The following ITPR2 variants were observed in gnomAD, a reference collection of about 807,000 sequenced individuals.
The protein encoded by ITPR2 is inositol 1,4,5-trisphosphate receptor type 2.
A neutral mutation model predicts 317.1 loss-of-function variants in ITPR2; 207 were observed. The observed-to-expected ratio is 0.65, with a 90% confidence interval of 0.58 to 0.73. ITPR2 has a LOEUF of 0.73. Among genes scored for constraint, ITPR2 ranks in the 30% least tolerant of loss-of-function variants. ITPR2 has a pLI of 0.00. For missense variants in ITPR2, 2,613 were observed against 3,284.0 expected (o/e 0.80, Z 4.99); for synonymous variants, 1,156 against 1,149.1 (o/e 1.01, Z -0.12).
At chr12:26,770,386 C>A (rs1334433012) in intron 2 of ITPR2, among the ~76,000 whole-genome samples, 1 of 152,170 alleles carries the variant, frequency 6.6e-6, no homozygotes, top group African/African-American at 2.4e-5. Context: ...TGTGCCTCAG[C>A]CAGAAATGCC....
intron 45 of ITPR2, among the ~76,000 whole-genome samples, chr12:26,449,632 T>C (rs756118500): frequency 1.3e-5 from 2 of 152,106 alleles, no homozygotes; most frequent in Non-Finnish European, 2.9e-5. Flanking sequence ...GAAGTGCATC[T>C]GATAAAGGTT....
chr12:26,660,327 A>G (rs1947468665), intron 15 of ITPR2, among the ~76,000 whole-genome samples: 1 of 152,224 alleles, frequency 6.6e-6, no homozygotes, highest in Admixed American at 6.5e-5. Context: ...TCTACTCCTT[A>G]TTCATCACAC....
rs543468848 is a variant in ITPR2 at position 26,492,356 on chromosome 12, C to T, written c.5370+1797G>A. Among the ~76,000 whole-genome samples, 19 of 151,424 alleles carry T rather than the reference C, an allele frequency of 1.3e-4. No homozygotes were observed. In the South Asian group the frequency reaches 1.9e-3, roughly 15 times the overall value. ...GGATATAAGTAAGCATAAATAAGTG[C>T]GAAGGATGAAGGATGATCCCATCTG... On this transcript the variant is annotated intron_variant, in intron 39 of 56. Transcript: ENST00000381340.
At chr12:26,439,812 TTC>T (rs1450464371) in intron 46 of ITPR2, among the ~76,000 whole-genome samples, 1 of 152,214 alleles carries the variant, frequency 6.6e-6, no homozygotes, top group Admixed American at 6.5e-5. Context: ...CATTAAAATG[TTC>T]TCTTATTCAT....
intron 37 of ITPR2, among the ~76,000 whole-genome samples, chr12:26,533,195 T>C (rs1943991411): frequency 6.6e-6 from 1 of 152,216 alleles, no homozygotes; most frequent in African/African-American, 2.4e-5. Flanking sequence ...GGAACCAGTC[T>C]ATATGATGTT....
chr12:26,830,040 A>T (rs1415017980), intron 1 of ITPR2, among the ~76,000 whole-genome samples: 1 of 152,206 alleles, frequency 6.6e-6, no homozygotes, highest in Non-Finnish European at 1.5e-5. Context: ...AGTAGCTGGG[A>T]CTACAGGCGT....
intron 55 of ITPR2, among the ~76,000 whole-genome samples, chr12:26,353,186 G>A (rs187255587): frequency 6.6e-6 from 1 of 152,238 alleles, no homozygotes; most frequent in East Asian, 1.9e-4. Context: ...GTTACCATTG[G>A]AATTTTTAGT....
intron 34 of ITPR2, among the ~76,000 whole-genome samples, chr12:26,568,121 T>C (rs1945063244): frequency 6.7e-6 from 1 of 149,766 alleles, no homozygotes; most frequent in South Asian, 2.1e-4. Flanking sequence ...AGCTAATAAA[T>C]TTACTACAGT....
At chr12:26,588,685 T>C (rs1945602433) in intron 32 of ITPR2, among the ~76,000 whole-genome samples, 1 of 152,230 alleles carries the variant, frequency 6.6e-6, no homozygotes, top group South Asian at 2.1e-4. Flanking sequence ...ATAAGAGTTG[T>C]TAACAAAGTT....
chr12:26,526,045 AC>A (rs1943802218), intron 37 of ITPR2, among the ~76,000 whole-genome samples: 1 of 151,884 alleles, frequency 6.6e-6, no homozygotes, highest in African/African-American at 2.4e-5. Context: ...TCACACTCTC[AC>A]CCAGACGAGA....
intron 32 of ITPR2, among the ~76,000 whole-genome samples, chr12:26,587,883 TG>T (rs1945575666): frequency 6.6e-6 from 1 of 151,960 alleles, no homozygotes; most frequent in Non-Finnish European, 1.5e-5. Context: ...GAATGGTACT[TG>T]GGGTAGCGTA....
At chr12:26,549,190 T>C (rs1944462818) in intron 37 of ITPR2, among the ~76,000 whole-genome samples, 2 of 152,322 alleles carry the variant, frequency 1.3e-5, no homozygotes, top group South Asian at 2.1e-4. Context: ...AGTCCTATCT[T>C]AGAGAAATAT....
chr12:26,749,357 G>C (rs1949378844), intron 2 of ITPR2, among the ~76,000 whole-genome samples: 1 of 152,216 alleles, frequency 6.6e-6, no homozygotes, highest in Non-Finnish European at 1.5e-5. Flanking sequence ...TAGTGGAAAA[G>C]TCTGAGCTGC....
intron 2 of ITPR2, among the ~76,000 whole-genome samples, chr12:26,766,602 C>T (rs1949724428): frequency 6.6e-6 from 1 of 152,128 alleles, no homozygotes; most frequent in South Asian, 2.1e-4. Flanking sequence ...TCCTTTGAAG[C>T]ACAAGAGTTT....
chr12:26,680,243 A>C (rs191582621), intron 13 of ITPR2, among the ~76,000 whole-genome samples: 2 of 152,282 alleles, frequency 1.3e-5, no homozygotes, highest in Non-Finnish European at 2.9e-5. Context: ...CCAATTTTAA[A>C]TTTCATATCA....
rs1941351831 is a variant in ITPR2, at chr12:26,436,487, T to C, written c.6644-141A>G. ...AACCTATTTAAATAAATATTTGACT[T>C]GAGTAAGTTTATTAAAAACAATCAG... On this transcript the variant is annotated intron_variant, in intron 47 of 56. Transcript: ENST00000381340. 3 of 702,132 alleles carry C rather than the reference T, an allele frequency of 4.3e-6. No individual in the cohort carries two copies. The East Asian group carries it at 1.0e-4, about 24-fold the overall frequency. The allele number at this position is 702,132 out of a possible 1,614,324, so 43.5% of individuals were successfully genotyped here.
At chr12:26,469,408 C>T (rs377582743) in intron 45 of ITPR2, among the ~76,000 whole-genome samples, 1 of 152,230 alleles carries the variant, frequency 6.6e-6, no homozygotes, top group East Asian at 1.9e-4. Context: ...ACTTTCAAGC[C>T]ACTGGGATGT....
chr12:26,766,322 A>G (rs1338710722), intron 2 of ITPR2, among the ~76,000 whole-genome samples: 1 of 151,716 alleles, frequency 6.6e-6, no homozygotes, highest in Non-Finnish European at 1.5e-5. Context: ...CTATAATTCC[A>G]GGTTTCAAGT....
chr12:26,802,657 C>G (rs1006874297), intron 1 of ITPR2, among the ~76,000 whole-genome samples: 41 of 136,192 alleles, frequency 3.0e-4, no homozygotes, highest in Admixed American at 1.9e-3. Flanking sequence ...AGATAGATAT[C>G]TATATATACA....
Sources: gnomAD v4.1 joint callset for allele counts (sites outside exome capture counted in the v4.1 genomes callset) on GRCh38, gnomAD v4.1.1 for gene constraint, MANE v1.5 for transcripts, NCBI Gene and HGNC (gene_info 2026-07-23, HGNC 2026-07-21) for gene names.